The following FAM50B variants were observed in gnomAD, a reference collection of about 807,000 sequenced individuals.
The protein encoded by FAM50B is protein FAM50B.
Under a neutral mutation model 25.4 loss-of-function variants are expected in FAM50B, and 9 were observed. That is an observed-to-expected ratio of 0.35 (90% CI 0.21 to 0.62). The LOEUF (loss-of-function observed/expected upper bound fraction) is 0.62, where lower values mean the gene tolerates loss of function less well. Ranked by LOEUF, FAM50B falls within the 20% of genes least tolerant of loss-of-function variation. The probability of loss-of-function intolerance (pLI) is 0.73; values close to 1 mark genes in which losing one functional copy is unlikely to be tolerated. For missense variants in FAM50B, 372 were observed against 477.9 expected, an observed-to-expected ratio of 0.78 and a Z score of 2.07; for synonymous variants, 212 against 204.3, an observed-to-expected ratio of 1.04 and a Z score of -0.32.
At chr6:3,834,697 TAAA>T in the FAM50B span, among the ~76,000 whole-genome samples, 2 of 152,010 alleles carry the variant, frequency 1.3e-5, no homozygotes, top group Non-Finnish European at 2.9e-5. Context: ...AGTTAAAAAA[TAAA>T]AACAAATGTT....
the FAM50B span, among the ~76,000 whole-genome samples, chr6:3,832,964 C>T: frequency 1.3e-5 from 2 of 152,066 alleles, no homozygotes; most frequent in Admixed American, 6.5e-5. Flanking sequence ...CAGGTTCAAG[C>T]GATTCTCCCG....
the FAM50B span, among the ~76,000 whole-genome samples, chr6:3,842,314 C>T: frequency 3.3e-5 from 5 of 152,184 alleles, no homozygotes; most frequent in Admixed American, 3.3e-4. Flanking sequence ...ATCCGTAGCA[C>T]TTTCCAAAAA....
chr6:3,845,032 T>TTAAA (rs1193595043), upstream of FAM50B, among the ~76,000 whole-genome samples: 19 of 152,368 alleles, frequency 1.2e-4, no homozygotes, highest in East Asian at 1.3e-3. Flanking sequence ...TTATTCTTCT[T>TTAAA]TCTTAAAGTT....
At chr6:3,839,949 G>A in the FAM50B span, among the ~76,000 whole-genome samples, 43 of 151,590 alleles carry the variant, frequency 2.8e-4, no homozygotes, top group African/African-American at 1.0e-3. Flanking sequence ...CAGCCTGGTC[G>A]ACATGATGAA....
upstream of FAM50B, among the ~76,000 whole-genome samples, chr6:3,848,961 T>C (rs1014884965): frequency 6.6e-6 from 1 of 151,410 alleles, no homozygotes; most frequent in Admixed American, 6.6e-5. Context: ...CACAGCGGGG[T>C]AGCATCAGAG....
chr6:3,850,438 G>T lies in FAM50B; in HGVS notation c.627G>T (p.Val209=). Reference sequence around the variant, plus strand: ...TGCGGGTGCGCAAGGGCAACACGGTGCAGCAGTTCCTGAAGAAGGCGCTGC... The same window carrying T: ...TGCGGGTGCGCAAGGGCAACACGGTTCAGCAGTTCCTGAAGAAGGCGCTGC... ...RTVRVRKGNT[V]QQFLKKALQG... Residue 209 remains valine (V), a synonymous_variant, in exon 2 of 2, where the codon GTG becomes GTT. Transcript: ENST00000648326. 1 of 1,613,490 alleles carries T rather than the reference G, an allele frequency of 6.2e-7. No individual in the cohort carries two copies. Among genetic ancestry groups the T allele is most frequent in the Non-Finnish European group, 8.5e-7 (1 of 1,179,964 alleles).
At chr6:3,835,182 A>G in the FAM50B span, among the ~76,000 whole-genome samples, 1 of 152,168 alleles carries the variant, frequency 6.6e-6, no homozygotes, top group Non-Finnish European at 1.5e-5. Flanking sequence ...GAGGAGGAGC[A>G]TGAGAGAAGA....
Position 3,849,865 on chromosome 6 carries a change from C to T in FAM50B, c.54C>T (p.Leu18=), listed in dbSNP as rs1438752951. Reference sequence around the variant, plus strand: ...AGGCAGGCCGTGCCATGCACCTCCTCAAGAAGCGCGAAAGGCAGCGGGAGC... The same window carrying T: ...AGGCAGGCCGTGCCATGCACCTCCTTAAGAAGCGCGAAAGGCAGCGGGAGC... The part of the protein sequence containing the change: ...MREAGRAMHL[L]KKRERQREQM... The change falls in exon 2 of 2, where the codon CTC becomes CTT. Residue 18 remains leucine, a synonymous_variant. Coordinates refer to ENST00000648326, the MANE Select transcript of FAM50B (RefSeq NM_012135.3). 2 of 1,613,428 alleles carry T rather than the reference C, an allele frequency of 1.2e-6. No individual in the cohort carries two copies. The highest frequency in any genetic ancestry group is 1.3e-5 in the African/African-American group (1 of 74,956).
At position 3,849,963 on chromosome 6, in the gene FAM50B, C is replaced by T. The variant is rs1365145844; in HGVS notation, c.152C>T (p.Ala51Val). 3 of 1,613,806 alleles carry T rather than the reference C, an allele frequency of 1.9e-6. No individual in the cohort carries two copies. The African/African-American group carries it at 4.0e-5, about 22-fold the overall frequency. The change falls in exon 2 of 2, where the codon GCG becomes GTG. Residue 51 changes from alanine (A) to valine (V), a missense_variant. Physicochemically the swap from Ala to Val is moderately conservative, Grantham distance 64. Transcript: ENST00000648326. The part of the protein sequence containing the change: ...LKSQVDKRFS[A>V]HYDAVEAELK... ...TCGCAGGTGGACAAGAGGTTCTCGG[C>T]GCATTACGACGCCGTGGAGGCCGAG...
upstream of FAM50B, among the ~76,000 whole-genome samples, chr6:3,848,987 T>G (rs935813108): frequency 6.6e-6 from 1 of 151,620 alleles, no homozygotes; most frequent in Non-Finnish European, 1.5e-5. Context: ...AGGAGGAGGG[T>G]TGGAGAGCAG....
At chr6:3,838,702 A>G in the FAM50B span, among the ~76,000 whole-genome samples, 46 of 152,012 alleles carry the variant, frequency 3.0e-4, no homozygotes, top group African/African-American at 1.0e-3. Context: ...ATTAGCAGGC[A>G]TGGTGTTGGG....
chr6:3,846,994 C>A (rs1369241984), upstream of FAM50B, among the ~76,000 whole-genome samples: 1 of 152,218 alleles, frequency 6.6e-6, no homozygotes, highest in Non-Finnish European at 1.5e-5. Flanking sequence ...TAAGTCTCAA[C>A]ACTGGGCTTA....
chr6:3,850,065 A>T lies in FAM50B; in HGVS notation c.254A>T (p.Glu85Val). Residue 85 changes from glutamate (E) to valine (V), a missense_variant, in exon 2 of 2, where the codon GAG (glutamate) becomes GTG (valine). This residue lies in a region of FAM50B where 224 missense variants were observed against 232.2 expected (regional missense o/e 0.96). Transcript: ENST00000648326. The part of the protein sequence containing the change: ...ARQEALVRER[E>V]RQLAKRQHLE... ...CAGGAGGCCCTGGTCAGGGAGCGCG[A>T]GCGGCAGCTGGCCAAGCGCCAGCAC... 1 of 1,611,338 alleles carries T rather than the reference A, an allele frequency of 6.2e-7. No individual in the cohort carries two copies. Among genetic ancestry groups the T allele is most frequent in the Middle Eastern group, 1.7e-4 (1 of 6,050 alleles).
At chr6:3,834,930 TTA>T in the FAM50B span, among the ~76,000 whole-genome samples, 1 of 152,196 alleles carries the variant, frequency 6.6e-6, no homozygotes, top group African/African-American at 2.4e-5. Flanking sequence ...TTAATAATGG[TTA>T]TCTTTCAGGT....
chr6:3,838,677 A>G, the FAM50B span, among the ~76,000 whole-genome samples: 3 of 152,106 alleles, frequency 2.0e-5, no homozygotes, highest in Non-Finnish European at 4.4e-5. Flanking sequence ...CCCTGTCTCT[A>G]CTAAAATACA....
chr6:3,834,952 C>T, the FAM50B span, among the ~76,000 whole-genome samples: 20 of 152,108 alleles, frequency 1.3e-4, no homozygotes, highest in African/African-American at 4.8e-4. Flanking sequence ...TGTAGAACTG[C>T]ATAGAGGCTG....
upstream of FAM50B, among the ~76,000 whole-genome samples, chr6:3,846,749 C>T (rs138427286): frequency 6.6e-6 from 1 of 152,294 alleles, no homozygotes; most frequent in African/African-American, 2.4e-5. Flanking sequence ...ATTTACTTTG[C>T]CCAGATCCAT....
At chr6:3,840,830 T>G in the FAM50B span, among the ~76,000 whole-genome samples, 1 of 152,216 alleles carries the variant, frequency 6.6e-6, no homozygotes, top group Admixed American at 6.5e-5. Flanking sequence ...TTGTCAATAC[T>G]TACATAACTA....
At chr6:3,849,660 T>G in intron 1 of FAM50B, 129 bp from the exon 2 acceptor site, 1 of 1,354,552 alleles carries the variant, frequency 7.4e-7, no homozygotes. Context: ...GTGGTTACCC[T>G]AGCAGGTCGG....
Sources: gnomAD v4.1 joint callset for allele counts (sites outside exome capture counted in the v4.1 genomes callset) on GRCh38, gnomAD v4.1.1 for gene constraint, gnomAD v4.1.1 regional missense constraint, MANE v1.5 for transcripts, NCBI Gene and HGNC (gene_info 2026-07-23, HGNC 2026-07-21) for gene names.